DCBLD1: variants seen among roughly 807,000 people sequenced by gnomAD.
DCBLD1 encodes the protein discoidin, CUB and LCCL domain-containing protein 1.
Under a neutral mutation model 71.5 loss-of-function variants are expected in DCBLD1, and 57 were observed. The ratio of observed to expected loss-of-function variants is 0.80; its 90% CI spans 0.64 to 0.99. The LOEUF is 0.99. DCBLD1 is among the 50% of genes least tolerant of loss of function. The pLI is 0.00. For synonymous variants in DCBLD1, 380 were observed against 363.8 expected, an observed-to-expected ratio of 1.04 and a Z score of -0.51; for missense variants, 891 against 923.5, an observed-to-expected ratio of 0.96 and a Z score of 0.46.
intron 5 of DCBLD1, among the ~76,000 whole-genome samples, chr6:117,526,124 C>A (rs971447277): frequency 6.6e-6 from 1 of 152,120 alleles, no homozygotes; most frequent in East Asian, 1.9e-4. Context: ...TATTTTTATG[C>A]CTGTGGGAAA....
intron 2 of DCBLD1, among the ~76,000 whole-genome samples, chr6:117,515,789 G>A (rs900736541): frequency 6.6e-6 from 1 of 152,022 alleles, no homozygotes; most frequent in Non-Finnish European, 1.5e-5. Flanking sequence ...AAAGTGACAC[G>A]ATTAAAAATA....
rs1236783912 is a variant in DCBLD1 at position 117,540,923 on chromosome 6, G to A, written c.1255G>A (p.Asp419Asn). 1.2e-6 allele frequency: 2 copies of A among 1,614,050 alleles called. No individual in the cohort carries two copies. Among genetic ancestry groups the A allele is most frequent in the African/African-American group, 1.3e-5 (1 of 74,916 alleles). ...LIGCQITQGN[D>N]SLVWRKTSQS... ...CGACATCCCTCCTCTCTCAGGTAATGATTCATTGGTGTGGCGCAAGACAAG... is the reference window on the plus strand; with the variant it reads ...CGACATCCCTCCTCTCTCAGGTAATAATTCATTGGTGTGGCGCAAGACAAG... Residue 419 changes from aspartate (D) to asparagine (N), a missense_variant, in exon 11 of 15, where the codon GAT (aspartate) becomes AAT (asparagine). Transcript: ENST00000338728.
At chr6:117,494,542 A>C (rs1421874371) in intron 1 of DCBLD1, among the ~76,000 whole-genome samples, 1 of 152,120 alleles carries the variant, frequency 6.6e-6, no homozygotes, top group Non-Finnish European at 1.5e-5. Flanking sequence ...GCATCTATTC[A>C]ACAGAGATAA....
chr6:117,559,202 C>T (rs540317491), intron 14 of DCBLD1, among the ~76,000 whole-genome samples: 4 of 152,258 alleles, frequency 2.6e-5, no homozygotes, highest in South Asian at 2.1e-4. Flanking sequence ...AAGAAGCAGA[C>T]GCCAACACCA....
chr6:117,489,028 A>G (rs1777189687), intron 1 of DCBLD1, among the ~76,000 whole-genome samples: 1 of 152,178 alleles, frequency 6.6e-6, no homozygotes, highest in Admixed American at 6.5e-5. Context: ...TGTGTCTTGT[A>G]TATAATTATA....
chr6:117,511,794 G>A (rs1582990175), intron 2 of DCBLD1, among the ~76,000 whole-genome samples: 1 of 152,122 alleles, frequency 6.6e-6, no homozygotes, highest in Admixed American at 6.5e-5. Context: ...GAAGTAGAAG[G>A]AAAAATTTTT....
chr6:117,497,222 C>G (rs897005741), intron 1 of DCBLD1, among the ~76,000 whole-genome samples: 1 of 152,190 alleles, frequency 6.6e-6, no homozygotes, highest in African/African-American at 2.4e-5. Context: ...TATATTTGCA[C>G]TGTTCAATTT....
Position 117,503,971 on chromosome 6 carries a change from A to T in DCBLD1, c.317A>T (p.Asp106Val). 6.2e-7 allele frequency: 1 copy of T among 1,614,012 alleles called. No homozygotes were observed. Among genetic ancestry groups the T allele is most frequent in the Non-Finnish European group, 8.5e-7 (1 of 1,179,900 alleles). Residue 106 changes from aspartate (D) to valine (V), a missense_variant, in exon 2 of 15, where the codon GAT (aspartate) becomes GTT (valine). Asp to Val is a radical substitution (Grantham distance 152, BLOSUM62 -3). Coordinates refer to ENST00000338728, the MANE Select transcript of DCBLD1 (RefSeq NM_001366458.2). ...TATCTTCTCTTCACCAGCTCTTCAG[A>T]TCAATATGGTAAGAAAAGAGAACTA... ...SDYLLFTSSS[D>V]QYGPYCGSMT...
chr6:117,527,361 A>G (rs1354374072), intron 5 of DCBLD1, among the ~76,000 whole-genome samples: 1 of 152,152 alleles, frequency 6.6e-6, no homozygotes, highest in Admixed American at 6.5e-5. Flanking sequence ...CAGTGCCTTC[A>G]TCTTGGGAAA....
intron 1 of DCBLD1, among the ~76,000 whole-genome samples, chr6:117,490,169 T>C (rs1777242832): frequency 6.6e-6 from 1 of 152,210 alleles, no homozygotes; most frequent in Admixed American, 6.5e-5. Context: ...TACTATTGTT[T>C]TTATTAAATA....
At chr6:117,523,827 G>A (rs1193943786) in intron 4 of DCBLD1, among the ~76,000 whole-genome samples, 2 of 152,206 alleles carry the variant, frequency 1.3e-5, no homozygotes, top group Admixed American at 1.3e-4. Context: ...ATCTGTTTGG[G>A]CTGGTACACT....
Position 117,563,418 on chromosome 6 carries a change from T to C in DCBLD1, c.1616-6202T>C, listed in dbSNP as rs1562135725. The stretch of plus-strand genomic sequence containing the variant: ...AAGGAGAAAAAAAAAGCAGACACTT[T>C]CTGGTTTAAAAAGTTGGTTTTGGTC... On this transcript the variant is annotated intron_variant, in intron 14 of 14. Transcript: ENST00000296955. 8.1e-6 allele frequency: 13 copies of C among 1,609,164 alleles called. No homozygotes were observed. In the South Asian group the frequency reaches 1.3e-4, roughly 16 times the overall value.
rs1562431488 is a variant in DCBLD1, at chr6:117,496,943, A to G, written c.113-6824A>G. On this transcript the variant is annotated intron_variant, in intron 1 of 14. Coordinates refer to ENST00000338728, the MANE Select transcript of DCBLD1 (RefSeq NM_001366458.2). ...TGATTACTTGAGGTGTGATAAAAAA[A>G]TCTGTGTTCTAACTCTAGGCCATAA... is the stretch of plus-strand genomic sequence containing the variant. Among the ~76,000 whole-genome samples the G allele has an allele frequency of 2.6e-5, 4 of 152,238 alleles. No individual in the cohort carries two copies. In the South Asian group the frequency reaches 8.3e-4, roughly 31 times the overall value.
At chr6:117,557,889 A>C (rs1469863521) in intron 14 of DCBLD1, among the ~76,000 whole-genome samples, 1 of 152,250 alleles carries the variant, frequency 6.6e-6, no homozygotes, top group Admixed American at 6.5e-5. Context: ...CAGGCCCAGC[A>C]CATCTCCCAT....
At chr6:117,521,718 G>C (rs2114492895) in intron 4 of DCBLD1, 142 bp downstream of exon 4, 1 of 731,906 alleles carries the variant, frequency 1.4e-6, no homozygotes, top group African/African-American at 1.9e-5. Flanking sequence ...GAAATAGTTT[G>C]TTATATAGCA....
chr6:117,565,091 CTT>C (rs1779668588), intron 14 of DCBLD1, among the ~76,000 whole-genome samples: 1 of 152,056 alleles, frequency 6.6e-6, no homozygotes, highest in Non-Finnish European at 1.5e-5. Flanking sequence ...AAATTCATTT[CTT>C]TGTTAAAAAT....
At chr6:117,559,480 G>T (rs1236887706) in intron 14 of DCBLD1, among the ~76,000 whole-genome samples, 1 of 152,188 alleles carries the variant, frequency 6.6e-6, no homozygotes, top group Admixed American at 6.5e-5. Context: ...GTCACTGACT[G>T]GCAGCAGCAT....
intron 14 of DCBLD1, chr6:117,569,545 A>G (rs1165648500): frequency 1.9e-6 from 3 of 1,609,480 alleles, no homozygotes; most frequent in Non-Finnish European, 2.5e-6. Context: ...TGATAGATCC[A>G]GTTCTAATTA....
Position 117,538,850 on chromosome 6 carries a change from A to G in DCBLD1, c.976+15A>G. The G allele has an allele frequency of 6.2e-7, 1 of 1,601,746 alleles. No individual in the cohort carries two copies. On this transcript the variant is annotated intron_variant, in intron 8 of 14. Coordinates refer to ENST00000338728, the MANE Select transcript of DCBLD1 (RefSeq NM_001366458.2). ...GAAAATAACAGGTGCAGAAAATAAC[A>G]CAAGTGCCAAGTGCAGGAGTAGTTT...
Sources: allele counts gnomAD v4.1 joint callset (sites outside exome capture counted in the v4.1 genomes callset), GRCh38; gene constraint gnomAD v4.1.1; transcripts MANE v1.5; gene names NCBI Gene and HGNC (gene_info 2026-07-23, HGNC 2026-07-21).